KIF14: variants seen among roughly 807,000 people sequenced by gnomAD.
KIF14 encodes the protein kinesin-like protein KIF14.
KIF14 carries 98 observed loss-of-function variants against 176.2 expected under a neutral mutation model. The observed-to-expected ratio is 0.56, with a 90% CI of 0.47 to 0.66. The LOEUF (loss-of-function observed/expected upper bound fraction) is 0.66, where lower values mean the gene tolerates loss of function less well. Ranked by LOEUF, KIF14 falls within the 30% of genes least tolerant of loss-of-function variation. The probability of loss-of-function intolerance (pLI) is 0.00; values close to 1 mark genes in which losing one functional copy is unlikely to be tolerated. For missense variants in KIF14, 1,751 were observed against 1,920.4 expected (o/e 0.91, Z 1.65); for synonymous variants, 566 against 632.2 (o/e 0.90, Z 1.57).
In KIF14 at chr1:200,565,242, C is replaced by G. The variant is rs1657383637; in HGVS notation, c.3898G>C (p.Asp1300His). 1 of 1,588,582 alleles carries G rather than the reference C, an allele frequency of 6.3e-7. No homozygotes were observed. Among genetic ancestry groups the G allele is most frequent in the African/African-American group, 1.4e-5 (1 of 73,424 alleles). Residue 1300 changes from aspartate (D) to histidine (H), a missense_variant, in exon 25 of 30, where the codon GAT becomes CAT. Coordinates refer to ENST00000367350, the MANE Select transcript of KIF14 (RefSeq NM_014875.3). Reference sequence around the variant, plus strand: ...ATAGTAAGTGACTGGATTGCTCGATCAGAAGAAAACACTTTGAAAGAAGAA... The same window carrying G: ...ATAGTAAGTGACTGGATTGCTCGATGAGAAGAAAACACTTTGAAAGAAGAA... ...EESQDNLFSS[D>H]RAIQSLTIQT...
chr1:200,576,231 C>T (rs1658095872), intron 21 of KIF14, among the ~76,000 whole-genome samples: 1 of 151,986 alleles, frequency 6.6e-6, no homozygotes, highest in African/African-American at 2.4e-5. Flanking sequence ...GTAATCCCAG[C>T]ACTTTGGGAG....
chr1:200,570,358 G>A (rs372504334), intron 22 of KIF14, among the ~76,000 whole-genome samples: 208 of 152,288 alleles, frequency 1.4e-3, no homozygotes, highest in Middle Eastern at 0.01. Flanking sequence ...ATGTGATGAA[G>A]GCATAGAGTG....
At chr1:200,619,862 C>T (rs1660600874) in intron 1 of KIF14, among the ~76,000 whole-genome samples, 1 of 152,180 alleles carries the variant, frequency 6.6e-6, no homozygotes. Flanking sequence ...TATACAGCAA[C>T]AATATCTATC....
chr1:200,567,237 T>G (rs1657512152), intron 23 of KIF14, among the ~76,000 whole-genome samples: 2 of 148,370 alleles, frequency 1.3e-5, no homozygotes, highest in African/African-American at 5.0e-5. Flanking sequence ...TGAGGTATAC[T>G]ACAATCAAGA....
chr1:200,599,404 T>C (rs1659518481), intron 13 of KIF14, among the ~76,000 whole-genome samples: 1 of 152,236 alleles, frequency 6.6e-6, no homozygotes, highest in African/African-American at 2.4e-5. Flanking sequence ...TCCAAGAATG[T>C]GCTCTTCCTT....
In KIF14 at chr1:200,552,004, G is replaced by GT; in HGVS notation, c.*1383dup. On this transcript the variant is annotated 3_prime_UTR_variant, in exon 30 of 30. Transcript: ENST00000367350. ...TAATACTGTTCTGACTGCAATGACT[G>GT]TATTTACTTACAATCTCTTCCTAAC... The GT allele has an allele frequency of 6.6e-6, 1 of 152,290 alleles. No individual in the cohort carries two copies. Among genetic ancestry groups the GT allele is most frequent in the Admixed American group, 6.5e-5 (1 of 15,296 alleles). 9.4% of individuals were successfully genotyped at this position (152,290 alleles called of 1,614,324 possible).
At chr1:200,614,273 A>T in intron 4 of KIF14, 45 bp downstream of exon 4, 3 of 1,061,330 alleles carry the variant, frequency 2.8e-6, no homozygotes, top group Non-Finnish European at 1.4e-6. Flanking sequence ...TGATTTGACT[A>T]TTTTCTACTC....
At chr1:200,594,609 G>A (rs957291696) in intron 14 of KIF14, among the ~76,000 whole-genome samples, 1 of 152,116 alleles carries the variant, frequency 6.6e-6, no homozygotes, top group African/African-American at 2.4e-5. Context: ...TGGATGATAA[G>A]GTGATACTGT....
chr1:200,598,273 A>G lies in KIF14; in HGVS notation c.2513T>C (p.Ile838Thr). 6.2e-7 allele frequency: 1 copy of G among 1,613,290 alleles called. No homozygotes were observed. The highest frequency in any genetic ancestry group is 8.5e-7 in the Non-Finnish European group (1 of 1,179,738). Residue 838 changes from isoleucine (I) to threonine (T), a missense_variant, in exon 14 of 30, where the codon ATT becomes ACT. Ile to Thr is a moderately conservative substitution (Grantham distance 89). Transcript: ENST00000367350. ...GKYKPNSSHD[I>T]QLSGVLIADD... ...AGCAATCAGCACCCCAGATAACTGA[A>G]TATCATGGCTTGAGTTTGGTTTATA... is the stretch of plus-strand genomic sequence containing the variant.
rs565387163 is a variant in KIF14, at chr1:200,554,147, T to G, written c.4567+321A>C. On this transcript the variant is annotated intron_variant, in intron 29 of 29. Transcript: ENST00000367350. ...GGCTCATGCCTGTAATCCCAGCACT[T>G]TGGGAGGCCAAGGTGGGTGAATTGT... is the stretch of plus-strand genomic sequence containing the variant. 3.9e-5 allele frequency among the ~76,000 whole-genome samples: 6 copies of G among 152,244 alleles called. No homozygotes were observed. In the East Asian group the frequency reaches 1.2e-3, roughly 29 times the overall value.
At position 200,603,274 on chromosome 1, in the gene KIF14, G is replaced by A; in HGVS notation, c.1931C>T (p.Ala644Val). The change falls in exon 10 of 30, where the codon GCA becomes GTA. Residue 644 changes from alanine to valine, a missense_variant. By Grantham distance (64) the Ala-to-Val change is moderately conservative. Transcript: ENST00000367350. Reference sequence around the variant, plus strand: ...AGGAATAAAAACACTCCTTTGGTTTGCTTGTTCCGAAAGTGCAGATATAAC... The same window carrying A: ...AGGAATAAAAACACTCCTTTGGTTTACTTGTTCCGAAAGTGCAGATATAAC... ...GKVISALSEQANQRSVFIPYR... is the reference protein window; with the variant it reads ...GKVISALSEQVNQRSVFIPYR... 1 of 1,609,294 alleles carries A rather than the reference G, an allele frequency of 6.2e-7. No homozygotes were observed. Among genetic ancestry groups the A allele is most frequent in the African/African-American group, 1.3e-5 (1 of 74,940 alleles).
chr1:200,586,792 T>TATATATATATATATATATACATAC (rs1558068104), intron 18 of KIF14, among the ~76,000 whole-genome samples: 5 of 9,626 alleles, frequency 5.2e-4, no homozygotes, highest in African/African-American at 3.8e-3. Flanking sequence ...TATACATACA[T>TATATATATATATATATATACATAC]ATATATATAT....
chr1:200,602,033 G>GT lies in KIF14; in HGVS notation c.2014dup (p.Thr672AsnfsTer8). 1 of 1,613,324 alleles carries GT rather than the reference G, an allele frequency of 6.2e-7. No individual in the cohort carries two copies. Among genetic ancestry groups the GT allele is most frequent in the African/African-American group, 1.3e-5 (1 of 75,002 alleles). Reference sequence around the variant, plus strand: ...GGGACTAATCGTAGCAATCATTGCAGTTTTTGAATTTCCACCCAGACTTTC... The same window carrying GT: ...GGGACTAATCGTAGCAATCATTGCAGTTTTTTGAATTTCCACCCAGACTTTC... On this transcript the variant is annotated frameshift_variant, in exon 11 of 30. Transcript: ENST00000367350. LOFTEE classifies it high-confidence loss of function.
intron 16 of KIF14, among the ~76,000 whole-genome samples, chr1:200,590,616 T>C (rs1225250189): frequency 6.6e-6 from 1 of 152,190 alleles, no homozygotes; most frequent in Non-Finnish European, 1.5e-5. Context: ...AGAAGGTTAG[T>C]GGATATCACA....
At chr1:200,592,501 G>A (rs539557733) in intron 15 of KIF14, among the ~76,000 whole-genome samples, 17 of 152,080 alleles carry the variant, frequency 1.1e-4, no homozygotes, top group Admixed American at 2.6e-4. Flanking sequence ...TCAGCCTCCC[G>A]AGCTGCTGGG....
intron 2 of KIF14, among the ~76,000 whole-genome samples, chr1:200,616,237 C>G: frequency 7.0e-6 from 1 of 142,978 alleles, no homozygotes; most frequent in South Asian, 2.1e-4. Flanking sequence ...CCCGCTCCAT[C>G]CCTGACTCTG....
At chr1:200,593,411 T>C (rs1659152245) in intron 15 of KIF14, among the ~76,000 whole-genome samples, 2 of 152,244 alleles carry the variant, frequency 1.3e-5, no homozygotes. Context: ...ACCCTGTCTG[T>C]CTGATTCTAA....
chr1:200,617,493 A>G (rs911441783), intron 2 of KIF14, 119 bp downstream of exon 2: 26 of 963,636 alleles, frequency 2.7e-5, no homozygotes, highest in African/African-American at 1.6e-5. Flanking sequence ...CTTTCTATAT[A>G]AAAGTATTGC....
chr1:200,567,464 G>A (rs1015309976), intron 23 of KIF14, among the ~76,000 whole-genome samples: 1 of 149,236 alleles, frequency 6.7e-6, no homozygotes, highest in Admixed American at 6.8e-5. Flanking sequence ...AGAATGGCGT[G>A]AACCCGGGAG....
Sources: gnomAD v4.1 joint callset for allele counts (sites outside exome capture counted in the v4.1 genomes callset) on GRCh38, gnomAD v4.1.1 for gene constraint, MANE v1.5 for transcripts, NCBI Gene and HGNC (gene_info 2026-07-23, HGNC 2026-07-21) for gene names.